THSD7B: variants seen among roughly 807,000 people sequenced by gnomAD.
The protein encoded by THSD7B is thrombospondin type-1 domain-containing protein 7B.
Under a neutral mutation model 213.6 loss-of-function variants are expected in THSD7B, and 138 were observed. The observed-to-expected ratio is 0.65, with a 90% confidence interval of 0.56 to 0.74. The LOEUF (loss-of-function observed/expected upper bound fraction) is 0.74, where lower values mean the gene tolerates loss of function less well. THSD7B is among the 30% of genes least tolerant of loss of function. THSD7B has a pLI of 0.00. For missense variants in THSD7B, 1,931 were observed against 1,991.5 expected (o/e 0.97, Z 0.58); for synonymous variants, 742 against 687.0 (o/e 1.08, Z -1.25).
chr2:137,172,084 T>C (rs1310873155), intron 7 of THSD7B, among the ~76,000 whole-genome samples: 1 of 152,224 alleles, frequency 6.6e-6, no homozygotes, highest in Non-Finnish European at 1.5e-5. Flanking sequence ...GTTTGTGTGA[T>C]ATTGTGTTTT....
intron 15 of THSD7B, among the ~76,000 whole-genome samples, chr2:137,518,489 G>A (rs2375519): frequency 0.038 from 5,767 of 152,288 alleles, 180 homozygotes; most frequent in Admixed American, 0.083. Flanking sequence ...GAAGAAGCAC[G>A]ATTGGAAAAT....
At chr2:137,389,402 A>ATTTTTTTTTTTTTTTTTTTTT (rs70978214) in intron 12 of THSD7B, among the ~76,000 whole-genome samples, 4 of 38,052 alleles carry the variant, frequency 1.1e-4, no homozygotes, top group Non-Finnish European at 1.3e-4. Flanking sequence ...TCTTAATGTG[A>ATTTTTTTTTTTTTTTTTTTTT]TTTTTTTTTT....
chr2:137,086,010 C>T (rs1017441013), intron 3 of THSD7B, among the ~76,000 whole-genome samples: 5 of 152,036 alleles, frequency 3.3e-5, no homozygotes, highest in African/African-American at 1.2e-4. Context: ...AGTCTGTGTG[C>T]GTGTGTGTAC....
chr2:137,669,527 C>T (rs1683519093), intron 27 of THSD7B, among the ~76,000 whole-genome samples: 1 of 151,948 alleles, frequency 6.6e-6, no homozygotes, highest in Non-Finnish European at 1.5e-5. Context: ...AATTTGAAAG[C>T]TTTGTATGAG....
chr2:137,558,418 T>C (rs1681032517), intron 15 of THSD7B, among the ~76,000 whole-genome samples: 1 of 152,054 alleles, frequency 6.6e-6, no homozygotes, highest in Admixed American at 6.6e-5. Context: ...CATATGCAAA[T>C]CAATAAACAT....
At chr2:137,397,052 G>A (rs1394350818) in intron 12 of THSD7B, among the ~76,000 whole-genome samples, 1 of 145,314 alleles carries the variant, frequency 6.9e-6, no homozygotes, top group Non-Finnish European at 1.5e-5. Context: ...TTGAGCCTAT[G>A]TGTGTCTCTG....
At chr2:136,931,707 A>G (rs949384145) in intron 2 of THSD7B, among the ~76,000 whole-genome samples, 21 of 152,200 alleles carry the variant, frequency 1.4e-4, no homozygotes, top group Non-Finnish European at 2.6e-4. Flanking sequence ...ATAAAGATCC[A>G]TATAATCCAT....
intron 3 of THSD7B, among the ~76,000 whole-genome samples, chr2:137,059,712 T>A (rs929745117): frequency 1.3e-5 from 2 of 152,216 alleles, no homozygotes; most frequent in Admixed American, 1.3e-4. Context: ...ACTTGGTAGC[T>A]TATTTCTTTT....
intron 1 of THSD7B, among the ~76,000 whole-genome samples, chr2:136,799,713 A>C (rs1682141652): frequency 6.6e-6 from 1 of 151,962 alleles, no homozygotes; most frequent in Non-Finnish European, 1.5e-5. Context: ...CCTGGACCTG[A>C]GTTAATTTGA....
rs561814642 is a variant in THSD7B at position 136,864,639 on chromosome 2, A to G, written c.-35-17505A>G. On this transcript the variant is annotated intron_variant, in intron 1 of 27. Coordinates refer to ENST00000409968, the MANE Select transcript of THSD7B (RefSeq NM_001316349.2). ...GCGATCTCAGCTCACTGCAAGCTCC[A>G]CCTCCCAGGTTCACATCATTCTCCT... Among the ~76,000 whole-genome samples the G allele has an allele frequency of 6.9e-4, 105 of 151,238 alleles. 1 individual carries two copies. The highest frequency in any genetic ancestry group is 1.5e-3 in the Admixed American group (23 of 15,182).
intron 12 of THSD7B, among the ~76,000 whole-genome samples, chr2:137,357,893 A>C (rs1298865243): frequency 6.6e-6 from 1 of 152,218 alleles, no homozygotes; most frequent in Non-Finnish European, 1.5e-5. Flanking sequence ...GATCATTTTA[A>C]GTGAAGAGTG....
intron 12 of THSD7B, among the ~76,000 whole-genome samples, chr2:137,279,208 A>G (rs1330071921): frequency 6.6e-6 from 1 of 152,154 alleles, no homozygotes; most frequent in Non-Finnish European, 1.5e-5. Context: ...TTTCAGTGCT[A>G]TGAATATGTA....
chr2:136,978,475 G>A lies in THSD7B; in HGVS notation c.140-77945G>A, dbSNP rs111687268. 8.7e-3 allele frequency among the ~76,000 whole-genome samples: 1,319 copies of A among 152,292 alleles called. 26 individuals are homozygous for A. Among genetic ancestry groups the A allele is most frequent in the African/African-American group, 0.031 (1,276 of 41,578 alleles). ...TTGTTTTATGAATCTAGGTGCTCCT[G>A]TATTGAGTGCATATATATTTAGGAT... On this transcript the variant is annotated intron_variant, in intron 2 of 27. Transcript: ENST00000409968.
chr2:136,870,908 G>A, intron 1 of THSD7B, among the ~76,000 whole-genome samples: 1 of 152,206 alleles, frequency 6.6e-6, no homozygotes, highest in East Asian at 1.9e-4. Flanking sequence ...ATGCATAGAA[G>A]GAAAGCAAGG....
intron 3 of THSD7B, among the ~76,000 whole-genome samples, chr2:137,061,954 G>T (rs1013080363): frequency 6.6e-6 from 1 of 151,770 alleles, no homozygotes; most frequent in South Asian, 2.1e-4. Context: ...TGAATGTTTG[G>T]TAGTGAACCC....
At chr2:137,647,237 T>C (rs891869287) in intron 21 of THSD7B, among the ~76,000 whole-genome samples, 5 of 152,156 alleles carry the variant, frequency 3.3e-5, no homozygotes, top group African/African-American at 1.2e-4. Flanking sequence ...ACAATGCAGT[T>C]TGGGAGTCCT....
intron 3 of THSD7B, among the ~76,000 whole-genome samples, chr2:137,075,060 T>A (rs1290726146): frequency 1.3e-5 from 2 of 152,202 alleles, no homozygotes; most frequent in African/African-American, 4.8e-5. Flanking sequence ...GACAATTATG[T>A]GTCTTGGAGT....
chr2:137,489,854 T>A (rs1218647971), intron 15 of THSD7B, among the ~76,000 whole-genome samples: 1 of 152,224 alleles, frequency 6.6e-6, no homozygotes, highest in Admixed American at 6.5e-5. Context: ...TCCTTTACTG[T>A]CTTTTTCCCA....
At chr2:136,845,510 C>G (rs1188839384) in intron 1 of THSD7B, among the ~76,000 whole-genome samples, 2 of 152,018 alleles carry the variant, frequency 1.3e-5, no homozygotes, top group Non-Finnish European at 2.9e-5. Context: ...GATTTTGTAC[C>G]CTGGTTTGTT....
Sources: gnomAD v4.1 joint callset for allele counts (sites outside exome capture counted in the v4.1 genomes callset) on GRCh38, gnomAD v4.1.1 for gene constraint, MANE v1.5 for transcripts, NCBI Gene and HGNC (gene_info 2026-07-23, HGNC 2026-07-21) for gene names.